PRR18: variants seen among roughly 807,000 people sequenced by gnomAD.
PRR18 encodes proline-rich protein 18.
For synonymous variants in PRR18, 228 were observed against 220.2 expected, an observed-to-expected ratio of 1.04 and a Z score of -0.32; for missense variants, 517 against 437.4, an observed-to-expected ratio of 1.18 and a Z score of -1.62.
Position 166,307,197 on chromosome 6 carries a change from G to C in PRR18, c.*58C>G. 3.0e-6 allele frequency: 4 copies of C among 1,344,662 alleles called. No homozygotes were observed. In the South Asian group the frequency reaches 7.2e-5, roughly 24 times the overall value. 83.3% of individuals were successfully genotyped at this position (1,344,662 alleles called of 1,614,324 possible). A position where few individuals can be genotyped will look rare whatever the true frequency, so the allele number is the denominator to read the frequency against. On this transcript the variant is annotated 3_prime_UTR_variant, in exon 1 of 1. Transcript: ENST00000322583. ...CCCCCGAGGGCCCCTAGGCGGAGTG[G>C]CGCGTGCAGGAAGTGAGGTGGGATC...
Position 166,307,747 on chromosome 6 carries a change from A to G in PRR18, c.396T>C (p.Ala132=). Reference sequence around the variant, plus strand: ...GGGTGAGATTCAGGCAGAAGCGCGCAGCGGAGTCTGGACAAGGCCCCGCCC... The same window carrying G: ...GGGTGAGATTCAGGCAGAAGCGCGCGGCGGAGTCTGGACAAGGCCCCGCCC... The part of the protein sequence containing the change: ...SSGAGPCPDS[A]ARFCLNLTPE... The change falls in exon 1 of 1, where the codon GCT becomes GCC. Residue 132 remains alanine (A), a synonymous_variant. Coordinates refer to ENST00000322583, the MANE Select transcript of PRR18 (RefSeq NM_175922.4). 2 of 1,513,724 alleles carry G rather than the reference A, an allele frequency of 1.3e-6. No homozygotes were observed. The highest frequency in any genetic ancestry group is 1.8e-6 in the Non-Finnish European group (2 of 1,127,524). The allele number at this position is 1,513,724 out of a possible 1,614,324, so 93.8% of individuals were successfully genotyped here.
In PRR18 at chr6:166,307,468, G is replaced by T. The variant is rs754794387; in HGVS notation, c.675C>A (p.Ser225Arg). ...TCGGCCGCAGGGCCCCGGGCCGCGG[G>T]CTGAGCTGGGGAACCTGCAGGCCGC... is the stretch of plus-strand genomic sequence containing the variant. The part of the protein sequence containing the change: ...LHGGLQVPQL[S>R]PRPGALRPML... Residue 225 changes from serine (S) to arginine (R), a missense_variant, in exon 1 of 1, where the codon AGC becomes AGA. Ser to Arg is a moderately radical substitution (Grantham distance 110). Transcript: ENST00000322583. The T allele has an allele frequency of 3.3e-6, 5 of 1,515,234 alleles. No homozygotes were observed. The highest frequency in any genetic ancestry group is 2.1e-5 in the Admixed American group (1 of 48,698). 93.9% of individuals were successfully genotyped at this position (1,515,234 alleles called of 1,614,324 possible).
Position 166,307,445 on chromosome 6 carries a change from G to T in PRR18, c.698C>A (p.Pro233Gln). 1 of 1,542,594 alleles carries T rather than the reference G, an allele frequency of 6.5e-7. No individual in the cohort carries two copies. Among genetic ancestry groups the T allele is most frequent in the East Asian group, 2.7e-5 (1 of 37,722 alleles). Residue 233 changes from proline (P) to glutamine (Q), a missense_variant, in exon 1 of 1, where the codon CCG becomes CAG. Physicochemically the swap from Pro to Gln is moderately conservative, Grantham distance 76. Coordinates refer to ENST00000322583, the MANE Select transcript of PRR18 (RefSeq NM_175922.4). ...QLSPRPGALR[P>Q]MLKVSLLNER... ...GTTGAGCAGCGACACCTTGAGCATC[G>T]GCCGCAGGGCCCCGGGCCGCGGGCT...
In PRR18 at chr6:166,307,863, G is replaced by C. The variant is rs1408114008; in HGVS notation, c.280C>G (p.Arg94Gly). 2.4e-6 allele frequency: 3 copies of C among 1,255,618 alleles called. No individual in the cohort carries two copies. The highest frequency in any genetic ancestry group is 2.0e-6 in the Non-Finnish European group (2 of 1,001,106). 77.8% of individuals were successfully genotyped at this position (1,255,618 alleles called of 1,614,324 possible). Residue 94 changes from arginine to glycine, a missense_variant, in exon 1 of 1, where the codon CGG (arginine) becomes GGG (glycine). Physicochemically the swap from Arg to Gly is moderately radical, Grantham distance 125 (BLOSUM62 -2). Coordinates refer to ENST00000322583, the MANE Select transcript of PRR18 (RefSeq NM_175922.4). ...ARAPATCAPP[R>G]PAGSGHSPAR... ...GGGCTGTGGCCGGAGCCTGCCGGCC[G>C]GGGCGGGGCGCACGTGGCTGGGGCC...
chr6:166,307,300 GC>G lies in PRR18; in HGVS notation c.842del (p.Gly281AlafsTer12). 1.3e-6 allele frequency: 2 copies of G among 1,535,926 alleles called. No individual in the cohort carries two copies. The highest frequency in any genetic ancestry group is 1.7e-6 in the Non-Finnish European group (2 of 1,149,728). ...RGVESAAAAR[G>X]RAGALDSRRH... ...GCCGTGAGTCCAGGGCCCCCGCCCG[GC>G]CCCGCGCGGCAGCCGCGGACTCCAC... On this transcript the variant is annotated frameshift_variant, in exon 1 of 1. Coordinates refer to ENST00000322583, the MANE Select transcript of PRR18 (RefSeq NM_175922.4). LOFTEE classifies it high-confidence loss of function.
At position 166,306,954 on chromosome 6, in the gene PRR18, T is replaced by C. The variant is rs775463140; in HGVS notation, c.*301A>G. On this transcript the variant is annotated 3_prime_UTR_variant, in exon 1 of 1. Transcript: ENST00000322583. ...GTTGCTTAATTCCCCACGAACTGCA[T>C]GGATGCTCGGCGATGCCAAGAGGAG... 1.1e-5 allele frequency: 4 copies of C among 354,222 alleles called. No homozygotes were observed. Among genetic ancestry groups the C allele is most frequent in the Admixed American group, 9.6e-5 (2 of 20,766 alleles). 21.9% of individuals were successfully genotyped at this position (354,222 alleles called of 1,614,324 possible). A position where few individuals can be genotyped will look rare whatever the true frequency, so the allele number is the denominator to read the frequency against.
In PRR18 at chr6:166,305,415, T is replaced by G. The variant is rs1173934825; in HGVS notation, c.*1840A>C. The G allele has an allele frequency of 2.0e-5, 3 of 152,230 alleles. No homozygotes were observed. Among genetic ancestry groups the G allele is most frequent in the African/African-American group, 7.2e-5 (3 of 41,464 alleles). The allele number at this position is 152,230 out of a possible 1,614,324, so 9.4% of individuals were successfully genotyped here. On this transcript the variant is annotated 3_prime_UTR_variant, in exon 1 of 1. Transcript: ENST00000322583. ...GATATCATGTGTCACGTGTAAAACC[T>G]TTTTTCTGTTTGTTTTTTATTGAAG... is the stretch of plus-strand genomic sequence containing the variant.
chr6:166,305,508 C>T lies in PRR18; in HGVS notation c.*1747G>A, dbSNP rs1778083035. On this transcript the variant is annotated 3_prime_UTR_variant, in exon 1 of 1. Transcript: ENST00000322583. ...TAAAGTAGAGAACAAGGCCCACAAA[C>T]TCTATTTAATAAATACAAATTACTA... The T allele has an allele frequency of 6.6e-6, 1 of 152,172 alleles. No homozygotes were observed. Among genetic ancestry groups the T allele is most frequent in the African/African-American group, 2.4e-5 (1 of 41,444 alleles). The allele number at this position is 152,172 out of a possible 1,614,324, so 9.4% of individuals were successfully genotyped here.
At position 166,308,318 on chromosome 6, in the gene PRR18, C is replaced by T. The variant is rs547032285; in HGVS notation, c.-176G>A. The T allele has an allele frequency of 2.1e-5, 11 of 527,674 alleles. No individual in the cohort carries two copies. Among genetic ancestry groups the T allele is most frequent in the African/African-American group, 2.0e-4 (10 of 50,606 alleles). 32.7% of individuals were successfully genotyped at this position (527,674 alleles called of 1,614,324 possible). On this transcript the variant is annotated 5_prime_UTR_variant, in exon 1 of 1. Coordinates refer to ENST00000322583, the MANE Select transcript of PRR18 (RefSeq NM_175922.4). ...CCAAACCCGGGGACTCAAAGAGAGG[C>T]GCTCCCACCCTCCCCTCCTCCTGGG... is the stretch of plus-strand genomic sequence containing the variant.
Position 166,307,555 on chromosome 6 carries a change from G to A in PRR18, c.588C>T (p.Asp196=), listed in dbSNP as rs1212137620. The change falls in exon 1 of 1, where the codon GAC becomes GAT. Residue 196 remains aspartate (D), a synonymous_variant. Coordinates refer to ENST00000322583, the MANE Select transcript of PRR18 (RefSeq NM_175922.4). The part of the protein sequence containing the change: ...PRRGGPASDP[D]APPTAGQGRR... ...GGCCCTGGCCGGCGGTGGGGGGTGC[G>A]TCGGGGTCGCTGGCGGGGCCGCCCC... The A allele has an allele frequency of 2.5e-6, 3 of 1,211,212 alleles. No homozygotes were observed. The highest frequency in any genetic ancestry group is 1.6e-5 in the African/African-American group (1 of 63,080). 75.0% of individuals were successfully genotyped at this position (1,211,212 alleles called of 1,614,324 possible).
rs1414933137 is a variant in PRR18 at position 166,307,019 on chromosome 6, C to T, written c.*236G>A. ...AGAGGCAGGCATCTGGGGTAGATAC[C>T]ACCGGTGTGAACGAGAAAGGCCCGG... On this transcript the variant is annotated 3_prime_UTR_variant, in exon 1 of 1. Transcript: ENST00000322583. 6.8e-6 allele frequency: 3 copies of T among 442,834 alleles called. No homozygotes were observed. The highest frequency in any genetic ancestry group is 1.2e-5 in the Non-Finnish European group (3 of 253,134). The allele number at this position is 442,834 out of a possible 1,614,324, so 27.4% of individuals were successfully genotyped here. A position where few individuals can be genotyped will look rare whatever the true frequency, so the allele number is the denominator to read the frequency against.
Position 166,307,291 on chromosome 6 carries a change from C to G in PRR18, c.852G>C (p.Gly284=). 1 of 1,525,100 alleles carries G rather than the reference C, an allele frequency of 6.6e-7. No individual in the cohort carries two copies. Among genetic ancestry groups the G allele is most frequent in the Non-Finnish European group, 8.7e-7 (1 of 1,143,840 alleles). The allele number at this position is 1,525,100 out of a possible 1,614,324, so 94.5% of individuals were successfully genotyped here. Residue 284 remains glycine (G), a synonymous_variant, in exon 1 of 1, where the codon GGG becomes GGC. Transcript: ENST00000322583. ...TCAGGTGCCGCCGTGAGTCCAGGGC[C>G]CCCGCCCGGCCCCGCGCGGCAGCCG... The part of the protein sequence containing the change: ...ESAAAARGRA[G]ALDSRRHLST...
At position 166,308,234 on chromosome 6, in the gene PRR18, C is replaced by A; in HGVS notation, c.-92G>T. 1 of 1,149,724 alleles carries A rather than the reference C, an allele frequency of 8.7e-7. No homozygotes were observed. Among genetic ancestry groups the A allele is most frequent in the Non-Finnish European group, 1.1e-6 (1 of 913,384 alleles). 71.2% of individuals were successfully genotyped at this position (1,149,724 alleles called of 1,614,324 possible). A position where few individuals can be genotyped will look rare whatever the true frequency, so the allele number is the denominator to read the frequency against. ...GAGCGGGTCCCCGCAGTCCGGGCGGCCCCTCCACACCCACCTGCGTCCAGC... is the reference window on the plus strand; with the variant it reads ...GAGCGGGTCCCCGCAGTCCGGGCGGACCCTCCACACCCACCTGCGTCCAGC... On this transcript the variant is annotated 5_prime_UTR_variant, in exon 1 of 1. Transcript: ENST00000322583.
In PRR18 at chr6:166,307,092, T is replaced by G; in HGVS notation, c.*163A>C. The G allele has an allele frequency of 2.8e-6, 2 of 705,746 alleles. No homozygotes were observed. Among genetic ancestry groups the G allele is most frequent in the Non-Finnish European group, 4.1e-6 (2 of 485,606 alleles). 43.7% of individuals were successfully genotyped at this position (705,746 alleles called of 1,614,324 possible). ...AGGGGGGCCGTGGCCGTCGGGCGAGTCTGGCTGCGCCCCACGTGGGCCAGC... is the reference window on the plus strand; with the variant it reads ...AGGGGGGCCGTGGCCGTCGGGCGAGGCTGGCTGCGCCCCACGTGGGCCAGC... On this transcript the variant is annotated 3_prime_UTR_variant, in exon 1 of 1. Coordinates refer to ENST00000322583, the MANE Select transcript of PRR18 (RefSeq NM_175922.4).
chr6:166,307,885 G>C lies in PRR18; in HGVS notation c.258C>G (p.Ala86=). 8.1e-7 allele frequency: 1 copy of C among 1,238,248 alleles called. No individual in the cohort carries two copies. The highest frequency in any genetic ancestry group is 1.0e-6 in the Non-Finnish European group (1 of 991,626). 76.7% of individuals were successfully genotyped at this position (1,238,248 alleles called of 1,614,324 possible). A position where few individuals can be genotyped will look rare whatever the true frequency, so the allele number is the denominator to read the frequency against. Residue 86 remains alanine, a synonymous_variant, in exon 1 of 1, where the codon GCC becomes GCG. Transcript: ENST00000322583. ...GCCGGGGCGGGGCGCACGTGGCTGG[G>C]GCCCGCGCGCGGCTGGGCAAGGCCT... ...SPQALPSRAR[A]PATCAPPRPA...
Position 166,306,173 on chromosome 6 carries a change from AGAG to A in PRR18, c.*1079_*1081del, listed in dbSNP as rs1778093970. The A allele has an allele frequency of 6.6e-6, 1 of 151,834 alleles. No homozygotes were observed. The highest frequency in any genetic ancestry group is 2.4e-5 in the African/African-American group (1 of 41,356). The allele number at this position is 151,834 out of a possible 1,614,324, so 9.4% of individuals were successfully genotyped here. On this transcript the variant is annotated 3_prime_UTR_variant, in exon 1 of 1. Transcript: ENST00000322583. ...ACTAAATGTGTGCCTAGAATTAGAGAGAGAGAGAGAGAGAGACAGTGTGTGTGT... is the reference window on the plus strand; with the variant it reads ...ACTAAATGTGTGCCTAGAATTAGAGAAGAGAGAGAGAGACAGTGTGTGTGT...
rs577902206 is a variant in PRR18 at position 166,307,560 on chromosome 6, G to T, written c.583C>A (p.Pro195Thr). The T allele has an allele frequency of 2.5e-6, 3 of 1,211,650 alleles. No individual in the cohort carries two copies. The highest frequency in any genetic ancestry group is 8.0e-5 in the South Asian group (2 of 25,024). 75.1% of individuals were successfully genotyped at this position (1,211,650 alleles called of 1,614,324 possible). Residue 195 changes from proline to threonine, a missense_variant, in exon 1 of 1, where the codon CCC becomes ACC. Transcript: ENST00000322583. Reference sequence around the variant, plus strand: ...TGGCCGGCGGTGGGGGGTGCGTCGGGGTCGCTGGCGGGGCCGCCCCTCCGC... The same window carrying T: ...TGGCCGGCGGTGGGGGGTGCGTCGGTGTCGCTGGCGGGGCCGCCCCTCCGC... The part of the protein sequence containing the change: ...GPRRGGPASD[P>T]DAPPTAGQGR...
rs772934573 is a variant in PRR18 at position 166,305,504 on chromosome 6, C to G, written c.*1751G>C. ...CTTTTAAAGTAGAGAACAAGGCCCA[C>G]AAACTCTATTTAATAAATACAAATT... On this transcript the variant is annotated 3_prime_UTR_variant, in exon 1 of 1. Transcript: ENST00000322583. The G allele has an allele frequency of 6.6e-6, 1 of 152,158 alleles. No individual in the cohort carries two copies. Among genetic ancestry groups the G allele is most frequent in the African/African-American group, 2.4e-5 (1 of 41,428 alleles). 9.4% of individuals were successfully genotyped at this position (152,158 alleles called of 1,614,324 possible).
Position 166,308,025 on chromosome 6 carries a change from G to T in PRR18, c.118C>A (p.Pro40Thr), listed in dbSNP as rs941954726. ...GDKKKRPPQR[P>T]EGLLSSSWPS... ...CAGGAGCTGGAGAGGAGCCCCTCGG[G>T]CCGCTGTGGGGGCCTCTTCTTCTTG... The change falls in exon 1 of 1, where the codon CCC becomes ACC. Residue 40 changes from proline (P) to threonine (T), a missense_variant. Pro to Thr is a conservative substitution (Grantham distance 38). Coordinates refer to ENST00000322583, the MANE Select transcript of PRR18 (RefSeq NM_175922.4). The T allele has an allele frequency of 8.1e-7, 1 of 1,239,772 alleles. No homozygotes were observed. Among genetic ancestry groups the T allele is most frequent in the Non-Finnish European group, 1.0e-6 (1 of 985,202 alleles). The allele number at this position is 1,239,772 out of a possible 1,614,324, so 76.8% of individuals were successfully genotyped here.
Sources: allele counts gnomAD v4.1 joint callset, GRCh38; gene constraint gnomAD v4.1.1; transcripts MANE v1.5; gene names NCBI Gene and HGNC (gene_info 2026-07-23, HGNC 2026-07-21).